PDE1C: variants seen among roughly 807,000 people sequenced by gnomAD.
PDE1C encodes phosphodiesterase 1C.
A neutral mutation model predicts 93.1 loss-of-function variants in PDE1C; 62 were observed. That is an observed-to-expected ratio of 0.67 (90% CI 0.54 to 0.82). The LOEUF (loss-of-function observed/expected upper bound fraction) is 0.82, where lower values mean the gene tolerates loss of function less well. Ranked by LOEUF, PDE1C falls within the 40% of genes least tolerant of loss-of-function variation. PDE1C has a pLI of 0.00. For synonymous variants in PDE1C, 325 were observed against 310.1 expected, an observed-to-expected ratio of 1.05 and a Z score of -0.50; for missense variants, 742 against 884.6, an observed-to-expected ratio of 0.84 and a Z score of 2.04.
chr7:32,255,899 G>A (rs1809758990), intron 1 of PDE1C, among the ~76,000 whole-genome samples: 1 of 152,208 alleles, frequency 6.6e-6, no homozygotes, highest in Non-Finnish European at 1.5e-5. Context: ...AATTCCTCAT[G>A]AGGGAAAGAG....
chr7:32,419,023 G>A (rs1785332309), intron 1 of PDE1C, among the ~76,000 whole-genome samples: 1 of 152,168 alleles, frequency 6.6e-6, no homozygotes. Flanking sequence ...ATCAGTAAGG[G>A]AGCCCAGTAC....
chr7:31,728,095 G>A, the PDE1C span, among the ~76,000 whole-genome samples: 2 of 152,162 alleles, frequency 1.3e-5, no homozygotes, highest in Non-Finnish European at 2.9e-5. Context: ...TTGATTTATA[G>A]TCACTGAGAT....
At chr7:32,088,604 A>G (rs973546018) in intron 3 of PDE1C, among the ~76,000 whole-genome samples, 5 of 152,244 alleles carry the variant, frequency 3.3e-5, no homozygotes, top group Non-Finnish European at 7.3e-5. Flanking sequence ...GCTGGCAACA[A>G]TTGCAATTGA....
chr7:32,291,857 T>C (rs1262823460), intron 1 of PDE1C, among the ~76,000 whole-genome samples: 1 of 152,084 alleles, frequency 6.6e-6, no homozygotes, highest in East Asian at 1.9e-4. Context: ...ACTTAACCAG[T>C]TTGTTTACAG....
At chr7:32,203,115 A>G (rs1467199422) in intron 2 of PDE1C, among the ~76,000 whole-genome samples, 2 of 151,742 alleles carry the variant, frequency 1.3e-5, no homozygotes, top group South Asian at 2.1e-4. Context: ...GATCCCTTAT[A>G]TGGTTCTGTC....
intron 1 of PDE1C, among the ~76,000 whole-genome samples, chr7:32,313,198 A>T (rs893108095): frequency 1.3e-5 from 2 of 152,208 alleles, no homozygotes; most frequent in African/African-American, 4.8e-5. Context: ...TCAAAACCAC[A>T]ATGAGATACC....
At chr7:32,005,780 C>A (rs925364872) in intron 2 of PDE1C, among the ~76,000 whole-genome samples, 2 of 152,014 alleles carry the variant, frequency 1.3e-5, no homozygotes, top group African/African-American at 4.8e-5. Flanking sequence ...CATCCACAGT[C>A]CTGGGGGTTG....
At chr7:32,072,083 T>G (rs1007262316), upstream of PDE1C, among the ~76,000 whole-genome samples, 3 of 152,226 alleles carry the variant, frequency 2.0e-5, no homozygotes, top group Non-Finnish European at 4.4e-5. Flanking sequence ...TAAAGTTCCA[T>G]TCACCTGACC....
chr7:31,746,369 C>T (rs921928140), downstream of PDE1C, among the ~76,000 whole-genome samples: 2 of 152,128 alleles, frequency 1.3e-5, no homozygotes, highest in African/African-American at 4.8e-5. Flanking sequence ...ATATAGACGT[C>T]AGGGAGAAGA....
the PDE1C span, among the ~76,000 whole-genome samples, chr7:31,622,835 G>A: frequency 1.3e-5 from 2 of 152,146 alleles, no homozygotes; most frequent in South Asian, 2.1e-4. Flanking sequence ...TTTTTGAAAT[G>A]ATCAACAAAA....
At chr7:32,232,123 T>C (rs552652470) in intron 1 of PDE1C, among the ~76,000 whole-genome samples, 3 of 152,032 alleles carry the variant, frequency 2.0e-5, no homozygotes, top group South Asian at 2.1e-4. Context: ...CTGAAAACAA[T>C]AGTAGCAGAC....
intron 1 of PDE1C, among the ~76,000 whole-genome samples, chr7:32,407,007 G>A (rs1785065662): frequency 6.6e-6 from 1 of 152,186 alleles, no homozygotes; most frequent in East Asian, 1.9e-4. Flanking sequence ...CGGGCGCGGT[G>A]GCTCATGCCT....
intron 3 of PDE1C, among the ~76,000 whole-genome samples, 160 bp downstream of exon 3, chr7:31,880,587 G>A (rs926703264): frequency 6.6e-6 from 1 of 152,136 alleles, no homozygotes; most frequent in Non-Finnish European, 1.5e-5. Context: ...GAGAGTAAGT[G>A]ACTTGTCCAA....
chr7:32,313,976 G>C (rs1333293306), intron 1 of PDE1C, among the ~76,000 whole-genome samples: 4 of 151,922 alleles, frequency 2.6e-5, no homozygotes, highest in Non-Finnish European at 4.4e-5. Context: ...CTAAGTAGCT[G>C]CTATTTTGTA....
In PDE1C at chr7:32,294,519, G is replaced by A. The variant is rs547808528; in HGVS notation, c.85+4132C>T. 1.2e-4 allele frequency among the ~76,000 whole-genome samples: 18 copies of A among 152,290 alleles called. No homozygotes were observed. In the South Asian group the frequency reaches 3.1e-3, roughly 26 times the overall value. On this transcript the variant is annotated intron_variant, in intron 1 of 18. Coordinates refer to the PDE1C transcript ENST00000396193. ...AGCCCCATTTTCTCATCTGTAAAAT[G>A]AACAGGGAGGAGCATCAAAAGAGAT...
At chr7:32,297,824 C>CT (rs1812676183) in intron 1 of PDE1C, among the ~76,000 whole-genome samples, 1 of 152,160 alleles carries the variant, frequency 6.6e-6, no homozygotes, top group African/African-American at 2.4e-5. Context: ...ATGATCCCCC[C>CT]TCCCTGCGGC....
At chr7:32,034,642 C>T (rs1053297752) in intron 2 of PDE1C, among the ~76,000 whole-genome samples, 1 of 152,106 alleles carries the variant, frequency 6.6e-6, no homozygotes, top group Non-Finnish European at 1.5e-5. Context: ...CCAAACAGTA[C>T]TGATGTGAAC....
intron 2 of PDE1C, chr7:32,209,475 CAA>C: frequency 6.4e-7 from 1 of 1,567,002 alleles, no homozygotes; most frequent in African/African-American, 1.4e-5. Flanking sequence ...AGGAGTGAAA[CAA>C]GATTTACTCA....
chr7:32,313,141 A>C (rs1255527905), intron 1 of PDE1C, among the ~76,000 whole-genome samples: 1 of 152,104 alleles, frequency 6.6e-6, no homozygotes. Context: ...CAGCCAAAAA[A>C]CACATGAAAA....
Sources: gnomAD v4.1 joint callset for allele counts (sites outside exome capture counted in the v4.1 genomes callset) on GRCh38, gnomAD v4.1.1 for gene constraint, MANE v1.5 for transcripts, NCBI Gene and HGNC (gene_info 2026-07-23, HGNC 2026-07-21) for gene names.